Variants in PTPRT observed in about 807,000 individuals in gnomAD.
PTPRT encodes the protein protein tyrosine phosphatase receptor type T, also known as receptor-type tyrosine-protein phosphatase T.
PTPRT carries 56 observed loss-of-function variants against 176.8 expected under a neutral mutation model. The observed-to-expected ratio is 0.32, with a 90% CI of 0.26 to 0.40. The LOEUF (loss-of-function observed/expected upper bound fraction) is 0.40, where lower values mean the gene tolerates loss of function less well. Among genes scored for constraint, PTPRT ranks in the 10% least tolerant of loss-of-function variants. The pLI, the probability that PTPRT is intolerant of heterozygous loss-of-function variation, is 1.00. For synonymous variants in PTPRT, 783 were observed against 739.0 expected, an observed-to-expected ratio of 1.06 and a Z score of -0.96; for missense variants, 1,540 against 1,908.2, an observed-to-expected ratio of 0.81 and a Z score of 3.60.
the PTPRT span, among the ~76,000 whole-genome samples, chr20:42,067,288 A>C: frequency 4.6e-5 from 7 of 152,090 alleles, no homozygotes; most frequent in African/African-American, 1.7e-4. Flanking sequence ...CAACCCTGGG[A>C]GAGGTTTGTA....
At chr20:43,096,486 C>G (rs2012173175) in intron 1 of PTPRT, among the ~76,000 whole-genome samples, 1 of 152,206 alleles carries the variant, frequency 6.6e-6, no homozygotes, top group African/African-American at 2.4e-5. Context: ...CATGCAGGAG[C>G]TCTGCGCCCC....
At chr20:43,004,767 T>C (rs1042127387) in intron 1 of PTPRT, among the ~76,000 whole-genome samples, 2 of 152,240 alleles carry the variant, frequency 1.3e-5, no homozygotes, top group Non-Finnish European at 2.9e-5. Context: ...TTTGTTCATA[T>C]ATTAGGTATG....
At chr20:42,421,032 A>T (rs1171996941) in intron 9 of PTPRT, among the ~76,000 whole-genome samples, 1 of 152,126 alleles carries the variant, frequency 6.6e-6, no homozygotes, top group Non-Finnish European at 1.5e-5. Flanking sequence ...CCCAGAGGTG[A>T]ATCATATTAG....
chr20:42,203,878 T>C (rs935898801), intron 15 of PTPRT, among the ~76,000 whole-genome samples: 2 of 152,216 alleles, frequency 1.3e-5, no homozygotes, highest in Non-Finnish European at 2.9e-5. Context: ...AGCTACGTAC[T>C]TGTTGAGTCA....
chr20:43,039,437 AG>A (rs1167245354), intron 1 of PTPRT, among the ~76,000 whole-genome samples: 7 of 152,108 alleles, frequency 4.6e-5, no homozygotes, highest in African/African-American at 1.7e-4. Flanking sequence ...AATTTATAAA[AG>A]GAAGAGAGGA....
At chr20:42,766,772 C>T (rs900084885) in intron 5 of PTPRT, among the ~76,000 whole-genome samples, 3 of 152,236 alleles carry the variant, frequency 2.0e-5, no homozygotes, top group African/African-American at 4.8e-5. Flanking sequence ...CTGGAAACAA[C>T]ATCTTTATTT....
chr20:42,112,001 A>G (rs1166356993), intron 22 of PTPRT, among the ~76,000 whole-genome samples: 1 of 152,148 alleles, frequency 6.6e-6, no homozygotes, highest in African/African-American at 2.4e-5. Context: ...GGGAGACCAC[A>G]GGCCTGGGGG....
downstream of PTPRT, among the ~76,000 whole-genome samples, chr20:42,072,041 G>A (rs1053630848): frequency 2.0e-5 from 3 of 152,342 alleles, no homozygotes; most frequent in African/African-American, 7.2e-5. Flanking sequence ...AGTATTCCAT[G>A]TAACTAGCTC....
At chr20:42,235,251 T>A (rs2056217865) in intron 15 of PTPRT, among the ~76,000 whole-genome samples, 1 of 150,426 alleles carries the variant, frequency 6.6e-6, no homozygotes, top group African/African-American at 2.5e-5. Flanking sequence ...GTTGTTGTTA[T>A]TTATTATTAT....
At chr20:42,973,654 T>C (rs1982784443) in intron 1 of PTPRT, among the ~76,000 whole-genome samples, 1 of 152,162 alleles carries the variant, frequency 6.6e-6, no homozygotes, top group Non-Finnish European at 1.5e-5. Context: ...TAAATATGAA[T>C]TATTAAACAA....
intron 23 of PTPRT, among the ~76,000 whole-genome samples, chr20:42,108,415 A>G (rs1261144521): frequency 6.6e-6 from 1 of 150,994 alleles, no homozygotes; most frequent in African/African-American, 2.5e-5. Context: ...TAATAATTAA[A>G]ATACTCACTC....
chr20:42,771,323 T>G (rs1569146521), intron 5 of PTPRT, 112 bp downstream of exon 5: 1 of 929,634 alleles, frequency 1.1e-6, no homozygotes, highest in South Asian at 1.5e-5. Context: ...GTTGTCCCCC[T>G]CTGCATGTCT....
At chr20:43,000,896 T>C (rs1378056687) in intron 1 of PTPRT, among the ~76,000 whole-genome samples, 1 of 152,166 alleles carries the variant, frequency 6.6e-6, no homozygotes, top group African/African-American at 2.4e-5. Context: ...GCAACCAATA[T>C]GGAGAAACAT....
chr20:42,314,311 G>A (rs1410051612), intron 12 of PTPRT, among the ~76,000 whole-genome samples: 6 of 152,026 alleles, frequency 3.9e-5, no homozygotes, highest in African/African-American at 1.4e-4. Flanking sequence ...GGCAGATCAC[G>A]AGGTCAGGAG....
chr20:43,079,125 C>G (rs1000949967), intron 1 of PTPRT, among the ~76,000 whole-genome samples: 1 of 151,876 alleles, frequency 6.6e-6, no homozygotes, highest in Non-Finnish European at 1.5e-5. Context: ...TCACTCATAA[C>G]CTTTCTTTCC....
intron 15 of PTPRT, among the ~76,000 whole-genome samples, chr20:42,208,813 C>G (rs2055541033): frequency 6.6e-6 from 1 of 152,132 alleles, no homozygotes; most frequent in Non-Finnish European, 1.5e-5. Context: ...ATCTACAGAA[C>G]TCTCCACCCC....
At chr20:42,213,581 C>T (rs57499683) in intron 15 of PTPRT, among the ~76,000 whole-genome samples, 6,597 of 152,248 alleles carry the variant, frequency 0.043, 465 homozygotes, top group African/African-American at 0.15. Context: ...GCAGACGTAA[C>T]GAAGTTAAAA....
intron 9 of PTPRT, among the ~76,000 whole-genome samples, chr20:42,423,110 T>G (rs1165319520): frequency 7.2e-6 from 1 of 138,008 alleles, no homozygotes; most frequent in Non-Finnish European, 1.5e-5. Context: ...GCTGAATACC[T>G]GGGGGATGAA....
At chr20:42,330,694 C>T (rs2057953561) in intron 11 of PTPRT, among the ~76,000 whole-genome samples, 1 of 152,060 alleles carries the variant, frequency 6.6e-6, no homozygotes, top group Non-Finnish European at 1.5e-5. Flanking sequence ...GCCTGGGCAA[C>T]ATAGTGAGAC....
Sources: gnomAD v4.1 joint callset for allele counts (sites outside exome capture counted in the v4.1 genomes callset) on GRCh38, gnomAD v4.1.1 for gene constraint, MANE v1.5 for transcripts, NCBI Gene and HGNC (gene_info 2026-07-23, HGNC 2026-07-21) for gene names.